The following SPAG16 variants were observed in gnomAD, a reference collection of about 807,000 sequenced individuals.
SPAG16 encodes sperm-associated antigen 16 protein.
A neutral mutation model predicts 80.4 loss-of-function variants in SPAG16; 86 were observed. The ratio of observed to expected loss-of-function variants is 1.07; its 90% CI spans 0.90 to 1.28. SPAG16 has a LOEUF of 1.28. Among genes scored for constraint, SPAG16 ranks in the 50% most tolerant of loss-of-function variants. The pLI is 0.00. For missense variants in SPAG16, 870 were observed against 765.3 expected (o/e 1.14, Z -1.61); for synonymous variants, 294 against 265.9 (o/e 1.11, Z -1.03).
chr2:213,889,719 A>G (rs1222808747), intron 11 of SPAG16, among the ~76,000 whole-genome samples: 1 of 85,824 alleles, frequency 1.2e-5, no homozygotes, highest in African/African-American at 3.2e-5. Context: ...ATACATATGC[A>G]TATATATATA....
intron 10 of SPAG16, among the ~76,000 whole-genome samples, chr2:213,738,250 G>A (rs1053671481): frequency 7.2e-5 from 11 of 152,102 alleles, no homozygotes; most frequent in African/African-American, 2.7e-4. Context: ...ACCCCCAGTG[G>A]ATGCCTGAAA....
At chr2:213,368,202 A>T (rs1391116812) in intron 8 of SPAG16, among the ~76,000 whole-genome samples, 2 of 152,122 alleles carry the variant, frequency 1.3e-5, no homozygotes, top group African/African-American at 4.8e-5. Flanking sequence ...CTTGTAGTAT[A>T]GTTTGAAGTC....
At chr2:214,390,672 G>T (rs187228278) in intron 15 of SPAG16, among the ~76,000 whole-genome samples, 24 of 152,244 alleles carry the variant, frequency 1.6e-4, no homozygotes, top group Admixed American at 1.1e-3. Context: ...AGTGGGAGAG[G>T]CAGGGGAGCA....
chr2:214,141,842 C>G (rs1427695546), intron 14 of SPAG16, among the ~76,000 whole-genome samples: 2 of 152,096 alleles, frequency 1.3e-5, no homozygotes, highest in Non-Finnish European at 1.5e-5. Context: ...TTTTTCATTA[C>G]ACTCTGTTTA....
chr2:214,087,242 C>T (rs544281277), intron 13 of SPAG16, among the ~76,000 whole-genome samples: 10 of 152,000 alleles, frequency 6.6e-5, no homozygotes, highest in East Asian at 3.9e-4. Context: ...ACTTTAAGGA[C>T]GCTATATAAT....
intron 10 of SPAG16, among the ~76,000 whole-genome samples, chr2:213,814,133 T>C (rs968733299): frequency 2.0e-5 from 3 of 152,210 alleles, no homozygotes; most frequent in Non-Finnish European, 4.4e-5. Flanking sequence ...CAGATCAGGC[T>C]GACGGGGTAG....
intron 10 of SPAG16, among the ~76,000 whole-genome samples, chr2:213,509,133 A>ATTT (rs1253903003): frequency 6.6e-6 from 1 of 151,958 alleles, no homozygotes; most frequent in East Asian, 1.9e-4. Flanking sequence ...AGTAGCTGGG[A>ATTT]TTAAAGGCAC....
intron 11 of SPAG16, among the ~76,000 whole-genome samples, chr2:213,872,433 C>T (rs1464664394): frequency 6.6e-6 from 1 of 151,998 alleles, no homozygotes; most frequent in East Asian, 1.9e-4. Context: ...CTATACTAAC[C>T]TCCTGTCAAT....
At chr2:213,983,363 A>G (rs760894310) in intron 12 of SPAG16, among the ~76,000 whole-genome samples, 26 of 151,980 alleles carry the variant, frequency 1.7e-4, no homozygotes, top group Non-Finnish European at 3.5e-4. Context: ...TAATAATAAT[A>G]ATAGTATTAT....
chr2:214,190,107 T>A (rs751164329), intron 15 of SPAG16, among the ~76,000 whole-genome samples: 1 of 152,096 alleles, frequency 6.6e-6, no homozygotes, highest in African/African-American at 2.4e-5. Context: ...TAGACATATG[T>A]AGCCACACAC....
chr2:214,009,732 A>T (rs58561514), intron 12 of SPAG16, among the ~76,000 whole-genome samples: 1 of 152,120 alleles, frequency 6.6e-6, no homozygotes, highest in African/African-American at 2.4e-5. Context: ...CACGTCAGGG[A>T]TTGGGTCAAC....
chr2:214,212,453 A>G (rs2058319441), intron 15 of SPAG16, among the ~76,000 whole-genome samples: 2 of 151,972 alleles, frequency 1.3e-5, no homozygotes, highest in Admixed American at 6.6e-5. Context: ...TTTTTGGTTC[A>G]CAGAACTTGG....
intron 10 of SPAG16, among the ~76,000 whole-genome samples, chr2:213,791,486 A>C (rs1486297817): frequency 2.6e-5 from 4 of 152,106 alleles, no homozygotes; most frequent in African/African-American, 9.7e-5. Context: ...TTTACGGAAG[A>C]CTATTTGACA....
At position 213,541,690 on chromosome 2, in the gene SPAG16, A is replaced by T. The variant is rs191073029; in HGVS notation, c.1070+51600A>T. Among the ~76,000 whole-genome samples the T allele has an allele frequency of 3.0e-3, 458 of 152,334 alleles. 1 individual carries two copies. The highest frequency in any genetic ancestry group is 5.2e-3 in the Non-Finnish European group (357 of 68,024). ...GAATAGAAGAGAGAACCCTTCCAAGATGTATAATAAACATAAAGAACAAGA... is the reference window on the plus strand; with the variant it reads ...GAATAGAAGAGAGAACCCTTCCAAGTTGTATAATAAACATAAAGAACAAGA... On this transcript the variant is annotated intron_variant, in intron 10 of 15. Transcript: ENST00000331683.
At position 213,859,135 on chromosome 2, in the gene SPAG16, C is replaced by T. The variant is rs147257538; in HGVS notation, c.1071-3350C>T. Reference sequence around the variant, plus strand: ...GGGAGGTTGTAGTGAGCCGAGATCACACCACTGCTCTCCAGTCTGGGCAAC... The same window carrying T: ...GGGAGGTTGTAGTGAGCCGAGATCATACCACTGCTCTCCAGTCTGGGCAAC... On this transcript the variant is annotated intron_variant, in intron 10 of 15. Coordinates refer to ENST00000331683, the MANE Select transcript of SPAG16 (RefSeq NM_024532.5). Among the ~76,000 whole-genome samples the T allele has an allele frequency of 5.3e-3, 654 of 122,902 alleles. 9 individuals are homozygous for T. Among genetic ancestry groups the T allele is most frequent in the East Asian group, 0.049 (185 of 3,800 alleles). 80.6% of individuals were successfully genotyped at this position (122,902 alleles called of 152,430 possible).
chr2:213,765,281 A>C (rs1243389529), intron 10 of SPAG16, among the ~76,000 whole-genome samples: 1 of 152,194 alleles, frequency 6.6e-6, no homozygotes, highest in Admixed American at 6.5e-5. Flanking sequence ...AGGCAGGCGA[A>C]TTGCTTGAAC....
intron 9 of SPAG16, among the ~76,000 whole-genome samples, chr2:213,394,122 G>A (rs1356273775): frequency 1.3e-5 from 2 of 151,926 alleles, no homozygotes; most frequent in Non-Finnish European, 2.9e-5. Flanking sequence ...AGCACTTACT[G>A]TCATTTGATT....
At chr2:214,330,037 C>A (rs1363263587) in intron 15 of SPAG16, among the ~76,000 whole-genome samples, 2 of 150,940 alleles carry the variant, frequency 1.3e-5, no homozygotes, top group African/African-American at 4.9e-5. Flanking sequence ...GGGGCCATGG[C>A]AGGTGGATCA....
chr2:214,002,064 A>G (rs892723971), intron 12 of SPAG16, among the ~76,000 whole-genome samples: 3 of 152,166 alleles, frequency 2.0e-5, no homozygotes, highest in Non-Finnish European at 4.4e-5. Flanking sequence ...TAAAACCATC[A>G]GATGTCTTGA....
Sources: allele counts gnomAD v4.1 joint callset (sites outside exome capture counted in the v4.1 genomes callset), GRCh38; gene constraint gnomAD v4.1.1; transcripts MANE v1.5; gene names NCBI Gene and HGNC (gene_info 2026-07-23, HGNC 2026-07-21).